The following VWC2 variants were observed in gnomAD, a reference collection of about 807,000 sequenced individuals.
The protein encoded by VWC2 is von Willebrand factor C domain containing 2.
Under a neutral mutation model 29.8 loss-of-function variants are expected in VWC2, and 14 were observed. That is an observed-to-expected ratio of 0.47 (90% CI 0.31 to 0.74). VWC2 has a LOEUF of 0.74. VWC2 is among the 30% of genes least tolerant of loss of function. VWC2 has a pLI of 0.05. For synonymous variants in VWC2, 213 were observed against 199.0 expected, an observed-to-expected ratio of 1.07 and a Z score of -0.59; for missense variants, 457 against 459.8, an observed-to-expected ratio of 0.99 and a Z score of 0.05.
chr7:49,884,533 T>C lies in VWC2; in HGVS notation c.827-27501T>C, dbSNP rs76376096. 6.1e-4 allele frequency among the ~76,000 whole-genome samples: 93 copies of C among 152,298 alleles called. No individual in the cohort carries two copies. The East Asian group carries it at 0.017, about 28-fold the overall frequency. ...TCATTCTCTGGATCCTGGGATCCAC[T>C]GAAGTTCAGGAAGGAACTCAGTTCT... On this transcript the variant is annotated intron_variant, in intron 3 of 3. Transcript: ENST00000340652.
intron 3 of VWC2, among the ~76,000 whole-genome samples, chr7:49,836,763 A>G (rs113847797): frequency 3.9e-5 from 6 of 152,192 alleles, no homozygotes; most frequent in Non-Finnish European, 8.8e-5. Context: ...GGTTTTTTGT[A>G]TGCAAATAAT....
chr7:49,857,551 C>G (rs1250389093), intron 3 of VWC2, among the ~76,000 whole-genome samples: 1 of 152,122 alleles, frequency 6.6e-6, no homozygotes, highest in African/African-American at 2.4e-5. Context: ...AGAAAAAGTG[C>G]TCAACATTGC....
intron 3 of VWC2, among the ~76,000 whole-genome samples, chr7:49,818,338 G>A (rs146762904): frequency 5.3e-5 from 8 of 152,220 alleles, no homozygotes; most frequent in Admixed American, 2.0e-4. Flanking sequence ...CTCAGACATC[G>A]TTACTCAGTG....
chr7:49,862,857 T>C (rs1272706258), intron 3 of VWC2, among the ~76,000 whole-genome samples: 1 of 152,184 alleles, frequency 6.6e-6, no homozygotes, highest in Admixed American at 6.5e-5. Context: ...AATATGCTGT[T>C]GTATTCACTT....
intron 3 of VWC2, among the ~76,000 whole-genome samples, chr7:49,811,034 A>T (rs988958559): frequency 3.9e-5 from 6 of 152,182 alleles, no homozygotes; most frequent in Admixed American, 1.3e-4. Flanking sequence ...AAAATGAAAA[A>T]TTTTTGCATC....
At chr7:49,794,676 G>GGGTATGT (rs1788544944) in intron 2 of VWC2, among the ~76,000 whole-genome samples, 1 of 152,160 alleles carries the variant, frequency 6.6e-6, no homozygotes, top group African/African-American at 2.4e-5. Context: ...CACATTCCCT[G>GGGTATGT]GGGTATACAG....
At chr7:49,836,638 C>CAATAAATA (rs3062195) in intron 3 of VWC2, among the ~76,000 whole-genome samples, 62 of 145,440 alleles carry the variant, frequency 4.3e-4, no homozygotes, top group African/African-American at 1.1e-3. Context: ...GACTCCATCT[C>CAATAAATA]AATAAATAAA....
At chr7:49,832,639 T>C (rs1398643562) in intron 3 of VWC2, among the ~76,000 whole-genome samples, 3 of 152,192 alleles carry the variant, frequency 2.0e-5, no homozygotes, top group Admixed American at 2.0e-4. Flanking sequence ...CAAACTTCTG[T>C]TTGGTTCCAT....
intron 3 of VWC2, among the ~76,000 whole-genome samples, chr7:49,871,874 TATA>T (rs148747347): frequency 0.028 from 4,076 of 148,102 alleles, 171 homozygotes; most frequent in South Asian, 0.12. Context: ...TATGTGCATA[TATA>T]ATGTTTTTTG....
chr7:49,897,426 A>G (rs1792444858), intron 3 of VWC2, among the ~76,000 whole-genome samples: 1 of 152,222 alleles, frequency 6.6e-6, no homozygotes, highest in South Asian at 2.1e-4. Flanking sequence ...TCAATACAGA[A>G]GAAGAATTGC....
At chr7:49,840,290 G>A (rs967484971) in intron 3 of VWC2, among the ~76,000 whole-genome samples, 2 of 152,232 alleles carry the variant, frequency 1.3e-5, no homozygotes, top group Non-Finnish European at 2.9e-5. Flanking sequence ...ATGTCTGGTG[G>A]TATGGTGGAG....
chr7:49,902,812 G>C (rs554717707), intron 3 of VWC2, among the ~76,000 whole-genome samples: 1 of 151,988 alleles, frequency 6.6e-6, no homozygotes, highest in South Asian at 2.1e-4. Flanking sequence ...TTTTATCAAA[G>C]ACCCCTTTAA....
At chr7:49,882,885 G>A (rs1348250305) in intron 3 of VWC2, among the ~76,000 whole-genome samples, 1 of 151,704 alleles carries the variant, frequency 6.6e-6, no homozygotes, top group Non-Finnish European at 1.5e-5. Context: ...TGTTGTTGTT[G>A]TTTTGATCTG....
At chr7:49,829,602 A>G (rs746433648) in intron 3 of VWC2, among the ~76,000 whole-genome samples, 6 of 152,122 alleles carry the variant, frequency 3.9e-5, no homozygotes, top group African/African-American at 9.7e-5. Flanking sequence ...CTGGAGTCCA[A>G]CGCATCACGC....
intron 3 of VWC2, among the ~76,000 whole-genome samples, chr7:49,850,766 A>G (rs1790143668): frequency 6.6e-6 from 1 of 152,186 alleles, no homozygotes; most frequent in Non-Finnish European, 1.5e-5. Context: ...CACCCTGCAT[A>G]ACTCTCAGTT....
chr7:49,900,820 A>G (rs1338911792), intron 3 of VWC2, among the ~76,000 whole-genome samples: 1 of 151,898 alleles, frequency 6.6e-6, no homozygotes, highest in Admixed American at 6.6e-5. Flanking sequence ...AAGGAAAACT[A>G]AAGACTAATA....
intron 1 of VWC2, among the ~76,000 whole-genome samples, chr7:49,774,678 G>A (rs1233374879): frequency 6.6e-6 from 1 of 152,312 alleles, no homozygotes; most frequent in East Asian, 1.9e-4. Flanking sequence ...TGAAGCCCCG[G>A]GAATCCCCGA....
intron 3 of VWC2, among the ~76,000 whole-genome samples, chr7:49,866,181 T>C (rs958247298): frequency 2.0e-5 from 3 of 152,192 alleles, no homozygotes; most frequent in Non-Finnish European, 4.4e-5. Context: ...TGTTTCTCAC[T>C]TGCTTATCTT....
At chr7:49,828,839 T>TTACACTCTG (rs1296240135) in intron 3 of VWC2, among the ~76,000 whole-genome samples, 2 of 152,144 alleles carry the variant, frequency 1.3e-5, no homozygotes, top group African/African-American at 4.8e-5. Flanking sequence ...AAGCAGGCTC[T>TTACACTCTG]TACACTCTGG....
Sources: gnomAD v4.1 joint callset for allele counts (sites outside exome capture counted in the v4.1 genomes callset) on GRCh38, gnomAD v4.1.1 for gene constraint, MANE v1.5 for transcripts, NCBI Gene and HGNC (gene_info 2026-07-23, HGNC 2026-07-21) for gene names.